MOXD1: variants seen among roughly 807,000 people sequenced by gnomAD.
The protein encoded by MOXD1 is DBH-like monooxygenase protein 1.
Under a neutral mutation model 66.6 loss-of-function variants are expected in MOXD1, and 62 were observed. The observed-to-expected ratio is 0.93, with a 90% CI of 0.76 to 1.15. The LOEUF (loss-of-function observed/expected upper bound fraction) is 1.15. Among genes scored for constraint, MOXD1 ranks in the 50% most tolerant of loss-of-function variants. The pLI, the probability that MOXD1 is intolerant of heterozygous loss-of-function variation, is 0.00. For synonymous variants in MOXD1, 303 were observed against 281.9 expected, an observed-to-expected ratio of 1.07 and a Z score of -0.75; for missense variants, 847 against 754.6, an observed-to-expected ratio of 1.12 and a Z score of -1.44.
Position 132,401,264 on chromosome 6 carries a change from G to T in MOXD1, c.163C>A (p.Arg55Ser). 6 of 1,596,510 alleles carry T rather than the reference G, an allele frequency of 3.8e-6. No individual in the cohort carries two copies. The highest frequency in any genetic ancestry group is 2.2e-5 in the South Asian group (2 of 89,682). ...CCGAAGCCCACGTAGCCTGCAGTGC[G>T]CACCTGGAGGCGGAAGGCGATCTGG... The part of the protein sequence containing the change: ...GSQIAFRLQV[R>S]TAGYVGFGFS... Residue 55 changes from arginine (R) to serine (S), a missense_variant, in exon 1 of 12, where the codon CGC becomes AGC. Transcript: ENST00000367963.
intron 1 of MOXD1, among the ~76,000 whole-genome samples, chr6:132,398,593 A>G (rs1305837774): frequency 1.3e-5 from 2 of 152,118 alleles, no homozygotes; most frequent in Non-Finnish European, 2.9e-5. Context: ...GCCGGGAGCA[A>G]AATTACACAA....
chr6:132,352,108 T>C (rs1461281250), intron 4 of MOXD1, among the ~76,000 whole-genome samples: 1 of 152,176 alleles, frequency 6.6e-6, no homozygotes, highest in Non-Finnish European at 1.5e-5. Context: ...GTATTGTTTT[T>C]TGTTTGTTTG....
At chr6:132,363,909 A>T (rs1776065676) in intron 4 of MOXD1, among the ~76,000 whole-genome samples, 1 of 98,772 alleles carries the variant, frequency 1.0e-5, no homozygotes, top group Non-Finnish European at 2.2e-5. Context: ...AAGTGCTGTT[A>T]ATTAAATTAT....
intron 4 of MOXD1, among the ~76,000 whole-genome samples, chr6:132,370,365 A>C (rs1776240969): frequency 6.6e-6 from 1 of 152,048 alleles, no homozygotes. Flanking sequence ...GCAAATGAAA[A>C]CTGGTTTTGA....
chr6:132,360,778 C>CTA (rs1261480715), intron 4 of MOXD1, among the ~76,000 whole-genome samples: 1 of 152,136 alleles, frequency 6.6e-6, no homozygotes, highest in East Asian at 1.9e-4. Context: ...GCACTGAATG[C>CTA]TGTCCAAAGC....
rs898708399 is a variant in MOXD1 at position 132,374,470 on chromosome 6, GTAAAAAAGA to G, written c.411+152_411+160del. 2.0e-4 allele frequency among the ~76,000 whole-genome samples: 26 copies of G among 130,120 alleles called. No individual in the cohort carries two copies. The East Asian group carries it at 5.4e-3, about 27-fold the overall frequency. 85.4% of individuals were successfully genotyped at this position (130,120 alleles called of 152,430 possible). ...TTACACATTTTTGGCTTCTAAAAAA[GTAAAAAAGA>G]AAAAACTAAAAAAAAAACTAAAAAA... On this transcript the variant is annotated intron_variant, in intron 2 of 11. Transcript: ENST00000367963.
chr6:132,367,080 T>C (rs1776164079), intron 4 of MOXD1, among the ~76,000 whole-genome samples: 3 of 152,108 alleles, frequency 2.0e-5, no homozygotes, highest in Admixed American at 6.6e-5. Context: ...TCTCTTCCTG[T>C]AGCAATTGAT....
At chr6:132,382,472 A>G (rs1776531100) in intron 1 of MOXD1, among the ~76,000 whole-genome samples, 2 of 152,100 alleles carry the variant, frequency 1.3e-5, no homozygotes, top group Non-Finnish European at 2.9e-5. Flanking sequence ...TTCAATATGA[A>G]TCATCACTGA....
intron 4 of MOXD1, among the ~76,000 whole-genome samples, chr6:132,349,131 C>A (rs1775730575): frequency 1.3e-5 from 2 of 149,434 alleles, no homozygotes; most frequent in South Asian, 4.2e-4. Flanking sequence ...CCCTTGCCCA[C>A]CCCCACCCTT....
chr6:132,325,164 T>C (rs1394254589), intron 6 of MOXD1: 1 of 152,146 alleles, frequency 6.6e-6, no homozygotes, highest in Non-Finnish European at 1.5e-5. Flanking sequence ...CATAAAATAT[T>C]TGCTATGTGT....
chr6:132,349,598 T>C (rs1463948814), intron 4 of MOXD1, among the ~76,000 whole-genome samples: 1 of 151,368 alleles, frequency 6.6e-6, no homozygotes, highest in East Asian at 1.9e-4. Context: ...GGCAAGTATC[T>C]TTTTCATATA....
chr6:132,372,521 C>A, intron 4 of MOXD1, 87 bp downstream of exon 4: 1 of 1,225,922 alleles, frequency 8.2e-7, no homozygotes, highest in South Asian at 1.4e-5. Context: ...AAAAACATTT[C>A]TATACTTTTA....
chr6:132,300,269 A>G (rs962682812), intron 10 of MOXD1, among the ~76,000 whole-genome samples: 1 of 152,186 alleles, frequency 6.6e-6, no homozygotes, highest in Non-Finnish European at 1.5e-5. Context: ...ACATATTGTG[A>G]CAATTTTGTA....
rs192224200 is a variant in MOXD1 at position 132,373,315 on chromosome 6, A to C, written c.412-318T>G. On this transcript the variant is annotated intron_variant, in intron 2 of 11. Transcript: ENST00000367963. ...ACAACAATAAATCATTGTCACGCCA[A>C]AACTTTAACCTTGCAACTGGTAGCT... 6.1e-3 allele frequency among the ~76,000 whole-genome samples: 927 copies of C among 152,356 alleles called. 5 individuals are homozygous for C. The highest frequency in any genetic ancestry group is 0.012 in the South Asian group (56 of 4,830).
At chr6:132,340,051 G>C (rs964504552) in intron 4 of MOXD1, among the ~76,000 whole-genome samples, 1 of 152,020 alleles carries the variant, frequency 6.6e-6, no homozygotes, top group Admixed American at 6.6e-5. Flanking sequence ...TGTATTTTTA[G>C]TAGAGACGGG....
In MOXD1 at chr6:132,389,971, G is replaced by C. The variant is rs1400174493; in HGVS notation, c.264+11192C>G. 1.3e-5 allele frequency among the ~76,000 whole-genome samples: 2 copies of C among 151,414 alleles called. 1 individual carries two copies. Among genetic ancestry groups the C allele is most frequent in the Non-Finnish European group, 3.0e-5 (2 of 67,706 alleles). ...TCTTCCTCAGGCATACATTTTTGTT[G>C]ATCTGTCTTCTCAAAGGCCTTTAGC... On this transcript the variant is annotated intron_variant, in intron 1 of 11. Transcript: ENST00000367963.
At position 132,399,142 on chromosome 6, in the gene MOXD1, T is replaced by C. The variant is rs113333112; in HGVS notation, c.264+2021A>G. ...TTTCATTTATATTATTTGGTGTATT[T>C]CATCTTATTAAACAGATTTTAAGTT... On this transcript the variant is annotated intron_variant, in intron 1 of 11. Coordinates refer to ENST00000367963, the MANE Select transcript of MOXD1 (RefSeq NM_015529.4). Among the ~76,000 whole-genome samples the C allele has an allele frequency of 9.1e-3, 1,379 of 152,246 alleles. 16 individuals carry two copies. Among genetic ancestry groups the C allele is most frequent in the Non-Finnish European group, 0.012 (785 of 68,012 alleles).
rs2114582777 is a variant in MOXD1, at chr6:132,328,080, A to G, written c.879T>C (p.Leu293=). 1 of 1,613,986 alleles carries G rather than the reference A, an allele frequency of 6.2e-7. No homozygotes were observed. The highest frequency in any genetic ancestry group is 8.5e-7 in the Non-Finnish European group (1 of 1,179,888). The change falls in exon 6 of 12, where the codon CTT becomes CTC. Residue 293 remains leucine (L), a synonymous_variant. Coordinates refer to ENST00000367963, the MANE Select transcript of MOXD1 (RefSeq NM_015529.4). ...CATAATGCGGATCTAATGGAGTGCC[A>G]AGGGATAATCCAACATGAGGTGGAT... ...FSYPPHVGLS[L]GTPLDPHYVL...
intron 10 of MOXD1, among the ~76,000 whole-genome samples, chr6:132,299,961 A>T (rs970483603): frequency 1.3e-5 from 2 of 152,040 alleles, no homozygotes; most frequent in African/African-American, 4.8e-5. Flanking sequence ...CTTTTTAAGT[A>T]AATTAAAAGT....
Sources: allele counts gnomAD v4.1 joint callset (sites outside exome capture counted in the v4.1 genomes callset), GRCh38; gene constraint gnomAD v4.1.1; transcripts MANE v1.5; gene names NCBI Gene and HGNC (gene_info 2026-07-23, HGNC 2026-07-21).